IL32: variants seen among roughly 807,000 people sequenced by gnomAD.
IL32 encodes interleukin 32, also known as interleukin-32.
IL32 carries 30 observed loss-of-function variants against 16.6 expected under a neutral mutation model. The observed-to-expected ratio is 1.81, with a 90% CI of 1.35 to 2.45. The LOEUF is 2.45. Ranked by LOEUF, IL32 falls within the 30% of genes most tolerant of loss-of-function variation. The probability of loss-of-function intolerance (pLI) is 0.00; values close to 1 mark genes in which losing one functional copy is unlikely to be tolerated. For missense variants in IL32, 234 were observed against 229.8 expected, an observed-to-expected ratio of 1.02 and a Z score of -0.12; for synonymous variants, 70 against 86.1, an observed-to-expected ratio of 0.81 and a Z score of 1.03.
rs1006386862 is a variant in IL32 at position 3,067,629 on chromosome 16, C to G, written c.114+16C>G. On this transcript the variant is annotated intron_variant, in intron 4 of 6. Coordinates refer to ENST00000525643, the MANE Select transcript of IL32 (RefSeq NM_001376923.1). ...ACGTGGACAGGTGGGTGGATTTCCC[C>G]TCAGGCACCAGGTCACATGTCCCCG... The G allele has an allele frequency of 6.3e-7, 1 of 1,579,552 alleles. No homozygotes were observed. The highest frequency in any genetic ancestry group is 8.7e-7 in the Non-Finnish European group (1 of 1,151,930).
chr16:3,067,716 C>A, intron 4 of IL32, 103 bp downstream of exon 4: 1 of 963,142 alleles, frequency 1.0e-6, no homozygotes, highest in Non-Finnish European at 1.6e-6. Context: ...GACCCACAGG[C>A]TCCCTCACCC....
intron 4 of IL32, 152 bp downstream of exon 4, chr16:3,067,765 G>C (rs1373779264): frequency 3.7e-6 from 3 of 818,220 alleles, no homozygotes; most frequent in South Asian, 3.1e-5. Context: ...GTGGCAGTGA[G>C]TGGGCGGGTG....
Position 3,066,262 on chromosome 16 carries a change from A to G in IL32, c.15+436A>G, listed in dbSNP as rs143024857. ...CTGCCCCACCGCAAATGCTAGGCCC[A>G]CCACACCCTCCAGGGAGCTCTTCGG... On this transcript the variant is annotated intron_variant, in intron 2 of 6. Coordinates refer to ENST00000525643, the MANE Select transcript of IL32 (RefSeq NM_001376923.1). 3.7e-3 allele frequency among the ~76,000 whole-genome samples: 565 copies of G among 152,088 alleles called. 2 individuals carry two copies. The highest frequency in any genetic ancestry group is 0.012 in the African/African-American group (513 of 41,436).
chr16:3,068,383 G>A, intron 6 of IL32, 144 bp downstream of exon 6: 1 of 729,282 alleles, frequency 1.4e-6, no homozygotes, highest in Admixed American at 2.4e-5. Flanking sequence ...TTGGCTCACT[G>A]CAACCTCCAA....
chr16:3,066,227 T>A (rs953484760), intron 2 of IL32, among the ~76,000 whole-genome samples: 1 of 151,786 alleles, frequency 6.6e-6, no homozygotes, highest in Non-Finnish European at 1.5e-5. Flanking sequence ...CGACCTCCCA[T>A]CCTCTACCAC....
upstream of IL32, chr16:3,065,600 C>G: frequency 6.0e-6 from 4 of 667,296 alleles, no homozygotes; most frequent in Non-Finnish European, 1.1e-5. Context: ...CCACTACCCC[C>G]CACTTTCCCC....
rs1447091237 is a variant in IL32, at chr16:3,067,896, G to A, written c.115-88G>A. On this transcript the variant is annotated intron_variant, in intron 4 of 6. Transcript: ENST00000525643. The stretch of plus-strand genomic sequence containing the variant: ...GCTGGGCCCAGTTCGGGGTGTGTGG[G>A]AGCTGAGGACTCACTGGGCTTGAGG... The A allele has an allele frequency of 2.7e-6, 4 of 1,461,126 alleles. No homozygotes were observed. The South Asian group carries it at 4.6e-5, about 17-fold the overall frequency. 90.5% of individuals were successfully genotyped at this position (1,461,126 alleles called of 1,614,324 possible).
chr16:3,068,329 A>G (rs1956664519), intron 6 of IL32, 90 bp downstream of exon 6: 2 of 1,241,414 alleles, frequency 1.6e-6, no homozygotes, highest in African/African-American at 1.5e-5. Context: ...TATTTGAGAC[A>G]GAGTCTCGCT....
At chr16:3,066,246 C>T (rs548998205) in intron 2 of IL32, among the ~76,000 whole-genome samples, 23 of 152,268 alleles carry the variant, frequency 1.5e-4, no homozygotes, top group Admixed American at 1.2e-3. Context: ...ACTGCCCCAC[C>T]GCAAATGCTA....
chr16:3,066,946 A>G (rs887584198), intron 2 of IL32, among the ~76,000 whole-genome samples: 84 of 143,812 alleles, frequency 5.8e-4, no homozygotes, highest in Non-Finnish European at 1.1e-3. Context: ...AGGAGGGGTC[A>G]CCTAGGCCCA....
intron 4 of IL32, 36 bp from the exon 5 acceptor site, chr16:3,067,948 G>A (rs1567145455): frequency 6.2e-7 from 1 of 1,613,592 alleles, no homozygotes; most frequent in Non-Finnish European, 8.5e-7. Flanking sequence ...TGCAGAGGAG[G>A]CTTGGGCCTG....
intron 6 of IL32, chr16:3,068,666 G>T: frequency 2.3e-6 from 1 of 437,212 alleles, no homozygotes; most frequent in South Asian, 2.2e-5. Flanking sequence ...CCCTGAGCTT[G>T]GGGTGGAGGG....
At chr16:3,065,586 C>T, upstream of IL32, 1 of 637,248 alleles carries the variant, frequency 1.6e-6, no homozygotes, top group Non-Finnish European at 2.8e-6. Context: ...GAGAGAGGCT[C>T]CGCCCACTAC....
Position 3,067,277 on chromosome 16 carries a change from G to C in IL32, c.16-100G>C, listed in dbSNP as rs537354219. ...GTACCTCTGCCATGTGTCTCTGTGT[G>C]TGTGTGTGTGTGTGTGTGTGTGTGT... On this transcript the variant is annotated intron_variant, in intron 2 of 6. Transcript: ENST00000525643. The C allele has an allele frequency of 2.8e-4, 78 of 283,420 alleles. 1 individual carries two copies. Among genetic ancestry groups the C allele is most frequent in the South Asian group, 1.8e-3 (37 of 20,108 alleles). The allele number at this position is 283,420 out of a possible 1,614,324, so 17.6% of individuals were successfully genotyped here. A position where few individuals can be genotyped will look rare whatever the true frequency, so the allele number is the denominator to read the frequency against.
chr16:3,067,273 G>GTGTGTGTGTCTC (rs1555442489), intron 2 of IL32, 104 bp from the exon 3 acceptor site: 38 of 134,874 alleles, frequency 2.8e-4, no homozygotes, highest in Middle Eastern at 1.9e-3. Flanking sequence ...ATGTGTCTCT[G>GTGTGTGTGTCTC]TGTGTGTGTG....
intron 6 of IL32, chr16:3,068,668 G>A (rs1956710603): frequency 6.8e-6 from 3 of 439,074 alleles, no homozygotes. Context: ...CTGAGCTTGG[G>A]GTGGAGGGCT....
At chr16:3,065,863 C>A in intron 2 of IL32, 37 bp downstream of exon 2, 1 of 1,613,656 alleles carries the variant, frequency 6.2e-7, no homozygotes. Context: ...GTGGGCATGT[C>A]TGAAAACAGA....
rs1383481778 is a variant in IL32 at position 3,065,736 on chromosome 16, G to C, written c.-28-48G>C. ...GTGAGGACCCTCTGGGGAGGAGGGT[G>C]CTTCTCTGAGACACTTTCTTTTCCT... is the stretch of plus-strand genomic sequence containing the variant. On this transcript the variant is annotated intron_variant, in intron 1 of 6. Coordinates refer to ENST00000525643, the MANE Select transcript of IL32 (RefSeq NM_001376923.1). 3.8e-6 allele frequency: 6 copies of C among 1,573,970 alleles called. No individual in the cohort carries two copies. In the African/African-American group the frequency reaches 6.8e-5, roughly 18 times the overall value.
chr16:3,067,762 T>C, intron 4 of IL32, 149 bp downstream of exon 4: 2 of 831,090 alleles, frequency 2.4e-6, no homozygotes, highest in South Asian at 3.1e-5. Flanking sequence ...TGGGTGGCAG[T>C]GAGTGGGCGG....
Sources: gnomAD v4.1 joint callset for allele counts (sites outside exome capture counted in the v4.1 genomes callset) on GRCh38, gnomAD v4.1.1 for gene constraint, MANE v1.5 for transcripts, NCBI Gene and HGNC (gene_info 2026-07-23, HGNC 2026-07-21) for gene names.